SPDYE3: variants seen among roughly 807,000 people sequenced by gnomAD.
The protein encoded by SPDYE3 is speedy/RINGO cell cycle regulator family member E3.
Under a neutral mutation model 55.0 loss-of-function variants are expected in SPDYE3, and 15 were observed. The observed-to-expected ratio is 0.27, with a 90% CI of 0.18 to 0.42. The LOEUF (loss-of-function observed/expected upper bound fraction) is 0.42, where lower values mean the gene tolerates loss of function less well. Among genes scored for constraint, SPDYE3 ranks in the 10% least tolerant of loss-of-function variants. The pLI is 1.00. For missense variants in SPDYE3, 236 were observed against 576.7 expected (o/e 0.41, Z 6.05); for synonymous variants, 89 against 229.9 (o/e 0.39, Z 5.55).
At chr7:100,308,306 G>C (rs1448798976) in intron 1 of SPDYE3, among the ~76,000 whole-genome samples, 1 of 149,076 alleles carries the variant, frequency 6.7e-6, no homozygotes, top group Non-Finnish European at 1.5e-5. Flanking sequence ...ACTCCAGTCT[G>C]GGTGAGAGAG....
At position 100,319,631 on chromosome 7, in the gene SPDYE3, C is replaced by G. The variant is rs749280611; in HGVS notation, c.1413C>G (p.Tyr471Ter). ...APKQKIFYFLYGKTHSHIPLR... is the reference protein window; with the variant it reads ...APKQKIFYFL ...AACAAAAGATCTTCTACTTCCTGTA[C>G]GGGAAGACCCACTCTCACATACCCT... Residue 471 changes from tyrosine (Y) to a stop codon, truncating the protein, a stop_gained, in exon 9 of 11, where the codon TAC becomes TAG. Transcript: ENST00000332397. LOFTEE classifies it high-confidence loss of function. 6.2e-7 allele frequency: 1 copy of G among 1,614,100 alleles called. No individual in the cohort carries two copies. Among genetic ancestry groups the G allele is most frequent in the South Asian group, 1.1e-5 (1 of 91,088 alleles).
Position 100,315,831 on chromosome 7 carries a change from G to A in SPDYE3, c.1248G>A (p.Arg416=), listed in dbSNP as rs1185298128. ...KRFLAWDKDL[R]VSDKYLLAMV... is the part of the protein sequence containing the mutation. ...TCCTGGCCTGGGACAAAGATCTGAGGGTGTCAGACAAGGTAAGGTTGTTCT... is the reference window on the plus strand; with the variant it reads ...TCCTGGCCTGGGACAAAGATCTGAGAGTGTCAGACAAGGTAAGGTTGTTCT... The change falls in exon 7 of 11, where the codon AGG becomes AGA. Residue 416 remains arginine (R), a synonymous_variant. Transcript: ENST00000332397. 1 of 1,600,310 alleles carries A rather than the reference G, an allele frequency of 6.2e-7. No individual in the cohort carries two copies. Among genetic ancestry groups the A allele is most frequent in the Non-Finnish European group, 8.5e-7 (1 of 1,179,734 alleles).
intron 8 of SPDYE3, among the ~76,000 whole-genome samples, 199 bp downstream of exon 8, chr7:100,317,354 C>T (rs566127997): frequency 6.6e-6 from 1 of 152,224 alleles, no homozygotes; most frequent in South Asian, 2.1e-4. Context: ...GCCTGTAATC[C>T]CAGCACTTTG....
intron 8 of SPDYE3, among the ~76,000 whole-genome samples, chr7:100,318,885 C>CAGTT (rs1385172272): frequency 2.4e-5 from 3 of 124,238 alleles, no homozygotes; most frequent in South Asian, 2.7e-4. Context: ...CACACCTGGA[C>CAGTT]AGTTATTTAT....
intron 9 of SPDYE3, 36 bp downstream of exon 9, chr7:100,319,844 G>A (rs1334206707): frequency 3.7e-6 from 6 of 1,614,054 alleles, no homozygotes; most frequent in South Asian, 3.3e-5. Context: ...GATGTGGGGA[G>A]GAATCGGGTG....
intron 7 of SPDYE3, among the ~76,000 whole-genome samples, chr7:100,316,250 C>T (rs1186722312): frequency 6.6e-6 from 1 of 152,208 alleles, no homozygotes; most frequent in African/African-American, 2.4e-5. Context: ...AGATTACAGA[C>T]GTCAGCACTG....
chr7:100,321,018 A>G lies in SPDYE3; in HGVS notation c.*173A>G. ...TAGAAGAACCTGGACCATTCTTGAC[A>G]GAGCTGAATACAGTGATCACGTTGT... On this transcript the variant is annotated 3_prime_UTR_variant, in exon 11 of 11. Coordinates refer to ENST00000332397, the MANE Select transcript of SPDYE3 (RefSeq NM_001004351.5). 1.7e-6 allele frequency: 2 copies of G among 1,177,128 alleles called. No homozygotes were observed. Among genetic ancestry groups the G allele is most frequent in the Non-Finnish European group, 2.3e-6 (2 of 863,502 alleles). The allele number at this position is 1,177,128 out of a possible 1,614,324, so 72.9% of individuals were successfully genotyped here. A position where few individuals can be genotyped will look rare whatever the true frequency, so the allele number is the denominator to read the frequency against.
rs762872044 is a variant in SPDYE3, at chr7:100,317,121, T to C, written c.1312T>C (p.Trp438Arg). 46 of 1,611,778 alleles carry C rather than the reference T, an allele frequency of 2.9e-5. No individual in the cohort carries two copies. Among genetic ancestry groups the C allele is most frequent in the African/African-American group, 4.0e-5 (3 of 74,960 alleles). The change falls in exon 8 of 11, where the codon TGG (tryptophan) becomes CGG (arginine). Residue 438 changes from tryptophan (W) to arginine (R), a missense_variant. Transcript: ENST00000332397. ...TTTCAGCCGGGCCGGCCTCCCCTCCTGGCAATACCAACGCATTCATTTCTT... is the reference window on the plus strand; with the variant it reads ...TTTCAGCCGGGCCGGCCTCCCCTCCCGGCAATACCAACGCATTCATTTCTT... ...AYFSRAGLPS[W>R]QYQRIHFFLA... is the part of the protein sequence containing the mutation.
chr7:100,308,082 C>A lies in SPDYE3; in HGVS notation c.106+91C>A, dbSNP rs140844048. 2.1e-6 allele frequency: 3 copies of A among 1,426,666 alleles called. No individual in the cohort carries two copies. The African/African-American group carries it at 4.3e-5, about 20-fold the overall frequency. 88.4% of individuals were successfully genotyped at this position (1,426,666 alleles called of 1,614,324 possible). ...CGGTAGCTCACCCCTGTAACACCAA[C>A]ACTTTGGGAGGCCGAGGCGGGCAGA... On this transcript the variant is annotated intron_variant, in intron 1 of 10. Transcript: ENST00000332397.
At chr7:100,315,420 TG>T (rs1360223199) in intron 6 of SPDYE3, among the ~76,000 whole-genome samples, 1 of 152,198 alleles carries the variant, frequency 6.6e-6, no homozygotes, top group Non-Finnish European at 1.5e-5. Flanking sequence ...CCATCCATAG[TG>T]GGGGATACCA....
Position 100,308,082 on chromosome 7 carries a change from C to T in SPDYE3, c.106+91C>T, listed in dbSNP as rs140844048. On this transcript the variant is annotated intron_variant, in intron 1 of 10. Transcript: ENST00000332397. ...CGGTAGCTCACCCCTGTAACACCAA[C>T]ACTTTGGGAGGCCGAGGCGGGCAGA... is the stretch of plus-strand genomic sequence containing the variant. The T allele has an allele frequency of 4.8e-4, 678 of 1,426,784 alleles. 6 individuals are homozygous for T. The African/African-American group carries it at 9.0e-3, about 19-fold the overall frequency. The allele number at this position is 1,426,784 out of a possible 1,614,324, so 88.4% of individuals were successfully genotyped here. A position where few individuals can be genotyped will look rare whatever the true frequency, so the allele number is the denominator to read the frequency against.
At position 100,321,110 on chromosome 7, in the gene SPDYE3, G is replaced by C. The variant is rs200739452; in HGVS notation, c.*265G>C. On this transcript the variant is annotated 3_prime_UTR_variant, in exon 11 of 11. Transcript: ENST00000332397. Reference sequence around the variant, plus strand: ...CTTGGAGAAAAGTAAGAAACCAGGAGTGTTTCCAGTTCCACCCTTTCCTGC... The same window carrying C: ...CTTGGAGAAAAGTAAGAAACCAGGACTGTTTCCAGTTCCACCCTTTCCTGC... The C allele has an allele frequency of 2.5e-4, 146 of 579,900 alleles. 1 individual carries two copies. In the East Asian group the frequency reaches 7.8e-3, roughly 31 times the overall value. The allele number at this position is 579,900 out of a possible 1,614,324, so 35.9% of individuals were successfully genotyped here.
intron 1 of SPDYE3, among the ~76,000 whole-genome samples, chr7:100,308,529 C>T (rs1247926601): frequency 1.3e-4 from 20 of 151,406 alleles, no homozygotes; most frequent in African/African-American, 1.9e-4. Flanking sequence ...GCCAACATGG[C>T]GAAACCCCGT....
chr7:100,318,895 T>G (rs1789508631), intron 8 of SPDYE3, among the ~76,000 whole-genome samples: 1 of 145,736 alleles, frequency 6.9e-6, no homozygotes, highest in African/African-American at 2.6e-5. Flanking sequence ...CAGTTATTTA[T>G]TTATTTATTT....
Position 100,319,990 on chromosome 7 carries a change from G to C in SPDYE3, c.1650G>C (p.Ter550TyrextTer13), listed in dbSNP as rs1789540171. 1 of 1,609,048 alleles carries C rather than the reference G, an allele frequency of 6.2e-7. No homozygotes were observed. The highest frequency in any genetic ancestry group is 8.5e-7 in the Non-Finnish European group (1 of 1,179,774). The change falls in exon 10 of 11, where the codon TAG becomes TAC. Residue 550 changes from the stop codon to tyrosine, a stop_lost. Transcript: ENST00000332397. ...VWARDRAHLS[*>Y] is the part of the protein sequence containing the mutation. Reference sequence around the variant, plus strand: ...CGCGAGATCGCGCCCACCTTTCCTAGAGCTCCAGGGACCGTGGAGGCCTGA... The same window carrying C: ...CGCGAGATCGCGCCCACCTTTCCTACAGCTCCAGGGACCGTGGAGGCCTGA...
chr7:100,319,433 C>T (rs1789520657), intron 8 of SPDYE3, 132 bp from the exon 9 acceptor site: 3 of 1,471,464 alleles, frequency 2.0e-6, no homozygotes, highest in South Asian at 1.3e-5. Flanking sequence ...CTGAGGAAGG[C>T]GTGGCTCTCT....
chr7:100,319,507 T>A lies in SPDYE3; in HGVS notation c.1347-58T>A, dbSNP rs376747545. ...TACCTTCCTCTCTGGGAAGCTGACC[T>A]CAGCCGGAGGTCTCTCCTGGTGGTG... On this transcript the variant is annotated intron_variant, in intron 8 of 10. Transcript: ENST00000332397. 18 of 1,612,674 alleles carry A rather than the reference T, an allele frequency of 1.1e-5. No individual in the cohort carries two copies. The East Asian group carries it at 2.9e-4, about 26-fold the overall frequency.
chr7:100,320,312 T>C (rs1356209724), intron 10 of SPDYE3: 2 of 1,088,572 alleles, frequency 1.8e-6, no homozygotes, highest in East Asian at 7.6e-5. Context: ...AGTGAGACCC[T>C]GCCTCAAAAA....
intron 8 of SPDYE3, among the ~76,000 whole-genome samples, chr7:100,318,966 G>A (rs1200618027): frequency 6.6e-6 from 1 of 150,970 alleles, no homozygotes; most frequent in Admixed American, 6.7e-5. Context: ...GGCTGGAATG[G>A]AGGGGCCCAA....
Sources: allele counts gnomAD v4.1 joint callset (sites outside exome capture counted in the v4.1 genomes callset), GRCh38; gene constraint gnomAD v4.1.1; transcripts MANE v1.5; gene names NCBI Gene and HGNC (gene_info 2026-07-23, HGNC 2026-07-21).